SEMA3A: variants seen among roughly 807,000 people sequenced by gnomAD.
The protein encoded by SEMA3A is semaphorin-3A.
Under a neutral mutation model 97.9 loss-of-function variants are expected in SEMA3A, and 29 were observed. The ratio of observed to expected loss-of-function variants is 0.30; its 90% CI spans 0.22 to 0.40. SEMA3A has a LOEUF of 0.40. SEMA3A is among the 10% of genes least tolerant of loss of function. SEMA3A has a pLI of 1.00. For missense variants in SEMA3A, 763 were observed against 951.3 expected (o/e 0.80, Z 2.60); for synonymous variants, 321 against 323.7 (o/e 0.99, Z 0.09).
At chr7:84,484,292 T>A (rs949789236) in intron 1 of SEMA3A, among the ~76,000 whole-genome samples, 1 of 152,144 alleles carries the variant, frequency 6.6e-6, no homozygotes, top group African/African-American at 2.4e-5. Context: ...AGCAAGTGGT[T>A]AACCTAAATG....
At chr7:84,138,447 T>C (rs1475525342) in intron 1 of SEMA3A, among the ~76,000 whole-genome samples, 6 of 152,114 alleles carry the variant, frequency 3.9e-5, no homozygotes, top group African/African-American at 1.4e-4. Flanking sequence ...TTCCAAACAA[T>C]GAAAATATTT....
At chr7:84,022,300 G>C (rs1268371733) in intron 6 of SEMA3A, among the ~76,000 whole-genome samples, 1 of 152,144 alleles carries the variant, frequency 6.6e-6, no homozygotes, top group African/African-American at 2.4e-5. Flanking sequence ...GAAAGTTCAT[G>C]ATATTCACAA....
At position 83,959,087 on chromosome 7, in the gene SEMA3A, ATTTG is replaced by A. The variant is rs1362534551; in HGVS notation, c.*2280_*2283del. 9.2e-5 allele frequency: 14 copies of A among 152,112 alleles called. No individual in the cohort carries two copies. The highest frequency in any genetic ancestry group is 5.8e-4 in the East Asian group (3 of 5,172). The allele number at this position is 152,112 out of a possible 1,614,324, so 9.4% of individuals were successfully genotyped here. A position where few individuals can be genotyped will look rare whatever the true frequency, so the allele number is the denominator to read the frequency against. On this transcript the variant is annotated 3_prime_UTR_variant, in exon 17 of 17. Transcript: ENST00000265362. ...ATGGTATATAAAGACATGCCTGTAG[ATTTG>A]TTTGTTTGTGTAACTTTTAATTGAA...
intron 1 of SEMA3A, among the ~76,000 whole-genome samples, chr7:84,177,631 T>G (rs1160432536): frequency 5.9e-5 from 9 of 152,140 alleles, no homozygotes; most frequent in African/African-American, 1.9e-4. Flanking sequence ...TATCCAACAA[T>G]TAAATATCCT....
At chr7:84,341,064 C>A (rs1429644798) in intron 2 of SEMA3A, among the ~76,000 whole-genome samples, 3 of 152,088 alleles carry the variant, frequency 2.0e-5, no homozygotes, top group Admixed American at 2.0e-4. Flanking sequence ...ATGTACAAAG[C>A]AAAACAAAGA....
intron 3 of SEMA3A, among the ~76,000 whole-genome samples, chr7:84,264,403 A>G (rs1444752433): frequency 6.6e-6 from 1 of 152,206 alleles, no homozygotes; most frequent in African/African-American, 2.4e-5. Flanking sequence ...GCTTCTGGCT[A>G]AGGATGGCAG....
intron 4 of SEMA3A, among the ~76,000 whole-genome samples, chr7:84,094,721 G>A (rs1202451614): frequency 1.3e-5 from 2 of 152,006 alleles, no homozygotes; most frequent in East Asian, 1.9e-4. Flanking sequence ...AACACACTTT[G>A]CAACACAAAA....
At chr7:84,081,887 T>A (rs1794176458) in intron 4 of SEMA3A, among the ~76,000 whole-genome samples, 1 of 152,146 alleles carries the variant, frequency 6.6e-6, no homozygotes, top group East Asian at 1.9e-4. Flanking sequence ...TTACCTATGC[T>A]CTTTTGTTTA....
chr7:84,173,313 T>G (rs1797450470), intron 1 of SEMA3A, among the ~76,000 whole-genome samples: 1 of 151,994 alleles, frequency 6.6e-6, no homozygotes, highest in South Asian at 2.1e-4. Context: ...CCCAGCACTT[T>G]GGGAGGCCGA....
chr7:84,424,450 ATAAT>A (rs1804689327), intron 1 of SEMA3A, among the ~76,000 whole-genome samples: 1 of 124,944 alleles, frequency 8.0e-6, no homozygotes, highest in South Asian at 2.3e-4. Flanking sequence ...AATATATAAT[ATAAT>A]AATACAATTT....
chr7:84,290,796 C>G (rs1271677940), intron 3 of SEMA3A, among the ~76,000 whole-genome samples: 1 of 152,082 alleles, frequency 6.6e-6, no homozygotes, highest in African/African-American at 2.4e-5. Context: ...GAACATTTAA[C>G]TGTGGATTAG....
intron 5 of SEMA3A, among the ~76,000 whole-genome samples, chr7:84,051,192 G>A (rs1792625750): frequency 6.7e-6 from 1 of 149,584 alleles, no homozygotes; most frequent in African/African-American, 2.5e-5. Flanking sequence ...TTGCAATGCG[G>A]GCTCTTTTTT....
intron 4 of SEMA3A, among the ~76,000 whole-genome samples, chr7:84,086,527 ATAT>A (rs749796892): frequency 5.9e-4 from 38 of 64,338 alleles, no homozygotes; most frequent in African/African-American, 1.2e-3. Context: ...TATATATAAT[ATAT>A]TATTATATTA....
intron 3 of SEMA3A, among the ~76,000 whole-genome samples, chr7:84,290,070 T>C (rs933828726): frequency 3.9e-5 from 6 of 152,226 alleles, no homozygotes; most frequent in African/African-American, 1.4e-4. Context: ...AGGCAAGAAT[T>C]TGATTAGTGC....
At chr7:84,136,693 T>C (rs200126812) in intron 1 of SEMA3A, among the ~76,000 whole-genome samples, 2 of 152,188 alleles carry the variant, frequency 1.3e-5, no homozygotes, top group South Asian at 2.1e-4. Flanking sequence ...TGCGGAAATA[T>C]ATAATTAATA....
intron 1 of SEMA3A, among the ~76,000 whole-genome samples, chr7:84,485,522 C>A (rs891311774): frequency 4.6e-5 from 7 of 151,902 alleles, no homozygotes; most frequent in Non-Finnish European, 8.8e-5. Context: ...ACTACAGGCC[C>A]ACACACCACT....
At chr7:84,250,590 G>GC (rs904304280) in intron 3 of SEMA3A, among the ~76,000 whole-genome samples, 1 of 152,128 alleles carries the variant, frequency 6.6e-6, no homozygotes, top group African/African-American at 2.4e-5. Context: ...GGAGGGAGAG[G>GC]CAATCACAGT....
chr7:84,371,608 T>C (rs1257257119), intron 2 of SEMA3A, among the ~76,000 whole-genome samples: 1 of 151,914 alleles, frequency 6.6e-6, no homozygotes, highest in African/African-American at 2.4e-5. Flanking sequence ...CTCATAGAAG[T>C]TGAGAAACAA....
rs1790026125 is a variant in SEMA3A, at chr7:83,992,900, CTAA to C, written c.1453-7426_1453-7424del. Among the ~76,000 whole-genome samples the C allele has an allele frequency of 3.3e-5, 5 of 151,710 alleles. No homozygotes were observed. The South Asian group carries it at 1.0e-3, about 32-fold the overall frequency. On this transcript the variant is annotated intron_variant, in intron 12 of 16. Coordinates refer to ENST00000265362, the MANE Select transcript of SEMA3A (RefSeq NM_006080.3). ...TTGACTTTCAGTCTCGTTGATCTGT[CTAA>C]TGTTGACACTGGGGTGTTAAAGTCT...
Sources: gnomAD v4.1 joint callset for allele counts (sites outside exome capture counted in the v4.1 genomes callset) on GRCh38, gnomAD v4.1.1 for gene constraint, MANE v1.5 for transcripts, NCBI Gene and HGNC (gene_info 2026-07-23, HGNC 2026-07-21) for gene names.